FAM111B: variants seen among roughly 807,000 people sequenced by gnomAD.
FAM111B encodes FAM111 trypsin like peptidase B.
In FAM111B, 1 loss-of-function variant was observed where a neutral mutation model predicts 2.8. The observed-to-expected ratio is 0.36, with a 90% CI of 0.13 to 1.70. The LOEUF (loss-of-function observed/expected upper bound fraction) is 1.70, where lower values mean the gene tolerates loss of function less well. Among genes scored for constraint, FAM111B ranks in the 40% most tolerant of loss-of-function variants. The pLI, the probability that FAM111B is intolerant of heterozygous loss-of-function variation, is 0.35. For missense variants in FAM111B, 882 were observed against 878.9 expected, an observed-to-expected ratio of 1.00 and a Z score of -0.04; for synonymous variants, 297 against 295.6, an observed-to-expected ratio of 1.00 and a Z score of -0.05.
intron 3 of FAM111B, among the ~76,000 whole-genome samples, chr11:59,120,400 T>G (rs770006057): frequency 1.4e-4 from 22 of 152,204 alleles, no homozygotes; most frequent in Non-Finnish European, 2.9e-4. Flanking sequence ...CATTAAGAGA[T>G]GGGGCTTTGA....
rs187003251 is a variant in FAM111B, at chr11:59,113,799, A to G, written c.81+4093A>G. On this transcript the variant is annotated intron_variant, in intron 3 of 3. Transcript: ENST00000343597. ...ACAGTCTGCCCGGCACATTAGACAC[A>G]TCTTATGGGAGTCTCACCACACCTA... is the stretch of plus-strand genomic sequence containing the variant. 4.6e-5 allele frequency among the ~76,000 whole-genome samples: 7 copies of G among 152,310 alleles called. No homozygotes were observed. The East Asian group carries it at 1.2e-3, about 25-fold the overall frequency.
Position 59,126,130 on chromosome 11 carries a change from A to C in FAM111B, c.2033A>C (p.His678Pro). ...TTTTATCAACGAGGATTTAATGTGC[A>C]TGCCCTTATTGAATTTGGTTATTCT... ...GLFYQRGFNV[H>P]ALIEFGYSMD... The change falls in exon 4 of 4, where the codon CAT (histidine) becomes CCT (proline). Residue 678 changes from histidine to proline, a missense_variant. By Grantham distance (77) the His-to-Pro change is moderately conservative. Transcript: ENST00000343597. 2 of 1,613,236 alleles carry C rather than the reference A, an allele frequency of 1.2e-6. No individual in the cohort carries two copies. Among genetic ancestry groups the C allele is most frequent in the Non-Finnish European group, 1.7e-6 (2 of 1,179,674 alleles).
intron 1 of FAM111B, among the ~76,000 whole-genome samples, chr11:59,108,264 T>C (rs184725381): frequency 1.2e-3 from 181 of 152,224 alleles, no homozygotes; most frequent in Middle Eastern, 6.8e-3. Flanking sequence ...AGGGAGAGGG[T>C]TGGTGGAAAG....
chr11:59,107,335 C>T (rs2135392844), intron 1 of FAM111B, 39 bp downstream of exon 1: 1 of 152,530 alleles, frequency 6.6e-6, no homozygotes, highest in Non-Finnish European at 1.5e-5. Context: ...ACCTGGAGTT[C>T]TTAGGGGGAT....
chr11:59,126,334 A>G lies in FAM111B; in HGVS notation c.*32A>G. The G allele has an allele frequency of 2.0e-6, 3 of 1,463,412 alleles. No homozygotes were observed. Among genetic ancestry groups the G allele is most frequent in the Non-Finnish European group, 2.7e-6 (3 of 1,100,360 alleles). 90.7% of individuals were successfully genotyped at this position (1,463,412 alleles called of 1,614,324 possible). A position where few individuals can be genotyped will look rare whatever the true frequency, so the allele number is the denominator to read the frequency against. ...GATGCTGTCTTCAAGAAAATATGCCAATAATTCCTGGCAAAGATTTCATGA... is the reference window on the plus strand; with the variant it reads ...GATGCTGTCTTCAAGAAAATATGCCGATAATTCCTGGCAAAGATTTCATGA... On this transcript the variant is annotated 3_prime_UTR_variant, in exon 4 of 4. Coordinates refer to ENST00000343597, the MANE Select transcript of FAM111B (RefSeq NM_198947.4).
chr11:59,124,130 C>T, intron 3 of FAM111B, 49 bp from the exon 4 acceptor site: 1 of 1,295,294 alleles, frequency 7.7e-7, no homozygotes, highest in Non-Finnish European at 1.1e-6. Context: ...AAATATAAAA[C>T]ATTATTAAAG....
At position 59,126,087 on chromosome 11, in the gene FAM111B, T is replaced by C; in HGVS notation, c.1990T>C (p.Leu664=). 1 of 1,613,860 alleles carries C rather than the reference T, an allele frequency of 6.2e-7. No homozygotes were observed. The highest frequency in any genetic ancestry group is 2.2e-5 in the East Asian group (1 of 44,888). The change falls in exon 4 of 4, where the codon TTG becomes CTG. Residue 664 remains leucine (L), a synonymous_variant. Transcript: ENST00000343597. ...TAATGCATCTGGCAAATTGGTTGCT[T>C]TGCATACCTTTGGGCTTTTTTATCA... The part of the protein sequence containing the change: ...VFNASGKLVA[L]HTFGLFYQRG...
rs369134430 is a variant in FAM111B at position 59,109,643 on chromosome 11, T to G, written c.18T>G (p.Thr6=). The change falls in exon 3 of 4, where the codon ACT becomes ACG. Residue 6 remains threonine, a synonymous_variant. Coordinates refer to ENST00000343597, the MANE Select transcript of FAM111B (RefSeq NM_198947.4). MNSMK[T]EENKSFSAME... ...AACTCATCATGAATTCCATGAAGAC[T>G]GAAGAAAACAAGTCATTTAGCGCTA... 6 of 1,610,804 alleles carry G rather than the reference T, an allele frequency of 3.7e-6. No individual in the cohort carries two copies. Among genetic ancestry groups the G allele is most frequent in the African/African-American group, 1.3e-5 (1 of 74,854 alleles).
chr11:59,111,517 T>C (rs923943093), intron 3 of FAM111B, among the ~76,000 whole-genome samples: 9 of 152,320 alleles, frequency 5.9e-5, no homozygotes, highest in African/African-American at 2.2e-4. Flanking sequence ...AATGTTAAAA[T>C]GATTAGGGCT....
chr11:59,124,765 G>A lies in FAM111B; in HGVS notation c.668G>A (p.Gly223Glu). ...GCCTTGAAGGGTGAGACTATTGAAG[G>A]AGCCTTATGCAAGGATGGCCGTTTT... is the stretch of plus-strand genomic sequence containing the variant. Reference protein sequence around the residue: ...IYALKGETIEGALCKDGRFRS... With the variant: ...IYALKGETIEEALCKDGRFRS... The change falls in exon 4 of 4, where the codon GGA becomes GAA. Residue 223 changes from glycine to glutamate, a missense_variant. Gly to Glu is a moderately conservative substitution (Grantham distance 98). Coordinates refer to ENST00000343597, the MANE Select transcript of FAM111B (RefSeq NM_198947.4). 4 of 1,613,860 alleles carry A rather than the reference G, an allele frequency of 2.5e-6. No homozygotes were observed. Among genetic ancestry groups the A allele is most frequent in the Non-Finnish European group, 3.4e-6 (4 of 1,179,822 alleles).
intron 3 of FAM111B, among the ~76,000 whole-genome samples, chr11:59,114,647 T>C (rs1049351203): frequency 6.6e-6 from 1 of 152,214 alleles, no homozygotes. Flanking sequence ...ATAGTAGATA[T>C]TCATTCAATC....
intron 3 of FAM111B, among the ~76,000 whole-genome samples, chr11:59,116,533 CT>C (rs377338835): frequency 1.2e-3 from 189 of 152,340 alleles, no homozygotes; most frequent in African/African-American, 4.4e-3. Context: ...ATTTGAGCCC[CT>C]CTTCTGGAGC....
rs780324326 is a variant in FAM111B at position 59,125,211 on chromosome 11, A to G, written c.1114A>G (p.Arg372Gly). 6.2e-7 allele frequency: 1 copy of G among 1,613,898 alleles called. No homozygotes were observed. The highest frequency in any genetic ancestry group is 8.5e-7 in the Non-Finnish European group (1 of 1,179,902). The change falls in exon 4 of 4, where the codon AGG becomes GGG. Residue 372 changes from arginine to glycine, a missense_variant. Physicochemically the swap from Arg to Gly is moderately radical, Grantham distance 125. Coordinates refer to ENST00000343597, the MANE Select transcript of FAM111B (RefSeq NM_198947.4). ...SQVRRRPHLG[R>G]RYAINLDVQK... ...AGTTAGACGGAGGCCGCATCTGGGT[A>G]GGCGGTATGCTATTAATCTGGATGT... is the stretch of plus-strand genomic sequence containing the variant.
In FAM111B at chr11:59,125,446, C is replaced by T. The variant is rs1860007848; in HGVS notation, c.1349C>T (p.Thr450Ile). The T allele has an allele frequency of 6.2e-7, 1 of 1,613,912 alleles. No individual in the cohort carries two copies. The highest frequency in any genetic ancestry group is 8.5e-7 in the Non-Finnish European group (1 of 1,179,836). ...ACTGCAAATTCTGTTTCAGTTGCAA[C>T]CTGCGAACAGCTTACATATTATAGC... ...KMTANSVSVATCEQLTYYSKS... is the reference protein window; with the variant it reads ...KMTANSVSVAICEQLTYYSKS... Residue 450 changes from threonine (T) to isoleucine (I), a missense_variant, in exon 4 of 4, where the codon ACC becomes ATC. Coordinates refer to ENST00000343597, the MANE Select transcript of FAM111B (RefSeq NM_198947.4).
At chr11:59,115,773 A>C (rs1859829536) in intron 3 of FAM111B, among the ~76,000 whole-genome samples, 1 of 152,202 alleles carries the variant, frequency 6.6e-6, no homozygotes, top group Non-Finnish European at 1.5e-5. Context: ...TCACATTATA[A>C]TGAGGCAAGC....
intron 3 of FAM111B, among the ~76,000 whole-genome samples, chr11:59,121,861 C>T (rs895802367): frequency 2.0e-5 from 3 of 152,140 alleles, no homozygotes; most frequent in African/African-American, 7.2e-5. Context: ...AAAAGTAGTG[C>T]AGGCCGGGCG....
Position 59,125,208 on chromosome 11 carries a change from G to T in FAM111B, c.1111G>T (p.Gly371Cys), listed in dbSNP as rs758569994. The change falls in exon 4 of 4, where the codon GGT (glycine) becomes TGT (cysteine). Residue 371 changes from glycine (G) to cysteine (C), a missense_variant. Coordinates refer to ENST00000343597, the MANE Select transcript of FAM111B (RefSeq NM_198947.4). ...ACAAGTTAGACGGAGGCCGCATCTG[G>T]GTAGGCGGTATGCTATTAATCTGGA... ...NSQVRRRPHL[G>C]RRYAINLDVQ... The T allele has an allele frequency of 6.2e-7, 1 of 1,613,942 alleles. No homozygotes were observed. Among genetic ancestry groups the T allele is most frequent in the South Asian group, 1.1e-5 (1 of 91,070 alleles).
In FAM111B at chr11:59,126,526, C is replaced by A. The variant is rs1256163054; in HGVS notation, c.*224C>A. On this transcript the variant is annotated 3_prime_UTR_variant, in exon 4 of 4. Transcript: ENST00000343597. ...CAGCAAAGATCTAATATTCAGAATC[C>A]ATTAGGAACTTAAACAGATTAACAA... is the stretch of plus-strand genomic sequence containing the variant. 1.3e-5 allele frequency: 5 copies of A among 375,184 alleles called. No individual in the cohort carries two copies. Among genetic ancestry groups the A allele is most frequent in the East Asian group, 4.0e-5 (1 of 24,938 alleles). 23.2% of individuals were successfully genotyped at this position (375,184 alleles called of 1,614,324 possible).
chr11:59,119,481 G>T (rs2135400655), intron 3 of FAM111B, among the ~76,000 whole-genome samples: 1 of 152,296 alleles, frequency 6.6e-6, no homozygotes, highest in South Asian at 2.1e-4. Context: ...GGATTTTCAG[G>T]CAGGAGTGTA....
Sources: gnomAD v4.1 joint callset for allele counts (sites outside exome capture counted in the v4.1 genomes callset) on GRCh38, gnomAD v4.1.1 for gene constraint, MANE v1.5 for transcripts, NCBI Gene and HGNC (gene_info 2026-07-23, HGNC 2026-07-21) for gene names.